Variants in CHST7 observed in about 807,000 individuals in gnomAD.
The protein encoded by CHST7 is N-acetylglucosamine 6-O-sulfotransferase 4.
A neutral mutation model predicts 9.0 loss-of-function variants in CHST7; 5 were observed. The observed-to-expected ratio is 0.56, with a 90% CI of 0.29 to 1.17. CHST7 has a LOEUF of 1.17. CHST7 is among the 50% of genes most tolerant of loss of function. The probability of loss-of-function intolerance (pLI) is 0.08; values close to 1 mark genes in which losing one functional copy is unlikely to be tolerated. For missense variants in CHST7, 377 were observed against 485.1 expected, an observed-to-expected ratio of 0.78 and a Z score of 2.09; for synonymous variants, 244 against 237.1, an observed-to-expected ratio of 1.03 and a Z score of -0.27.
rs397777408 is a variant in CHST7 at position 46,584,535 on chromosome X, CA to C, written c.*31+9131del. 8.9e-4 allele frequency among the ~76,000 whole-genome samples: 47 copies of C among 52,734 alleles called. 1 individual carries two copies. Among genetic ancestry groups the C allele is most frequent in the Middle Eastern group, 0.013 (1 of 78 alleles). 45.8% of individuals were successfully genotyped at this position (52,734 alleles called of 115,157 possible). On this transcript the variant is annotated intron_variant, in intron 1 of 1. Transcript: ENST00000276055. ...CTGGGCAACAACAGTGAAACTGTCT[CA>C]AAAAAAAAAAAAAAAAAAGGTGCCC...
chrX:46,584,786 G>A (rs1942541018), intron 1 of CHST7, among the ~76,000 whole-genome samples: 1 of 111,382 alleles, frequency 9.0e-6, no homozygotes, highest in Non-Finnish European at 1.9e-5. Context: ...CATGGGGAGT[G>A]CAGCCGTGAT....
In CHST7 at chrX:46,575,082, C is replaced by T. The variant is rs1210254461; in HGVS notation, c.1151C>T (p.Ala384Val). 1.8e-6 allele frequency: 2 copies of T among 1,121,490 alleles called. No individual in the cohort carries two copies. The highest frequency in any genetic ancestry group is 2.3e-6 in the Non-Finnish European group (2 of 859,252). 92.4% of individuals were successfully genotyped at this position (1,121,490 alleles called of 1,213,427 possible). A position where few individuals can be genotyped will look rare whatever the true frequency, so the allele number is the denominator to read the frequency against. ...RYEDLVRQPR[A>V]QLRRLLRFSG... ...GAGGACCTGGTGCGGCAGCCACGCG[C>T]CCAGCTGCGCCGCCTGCTGCGCTTC... The change falls in exon 1 of 2, where the codon GCC (alanine) becomes GTC (valine). Residue 384 changes from alanine to valine, a missense_variant. This residue lies in a region of CHST7 where 130 missense variants were observed against 134.9 expected (regional missense o/e 0.96). Transcript: ENST00000276055.
intron 1 of CHST7, among the ~76,000 whole-genome samples, chrX:46,591,971 G>T (rs1387096422): frequency 9.0e-6 from 1 of 111,449 alleles, no homozygotes; most frequent in Non-Finnish European, 1.9e-5. Context: ...TTTGCTGTTT[G>T]GTTTTCTGTT....
intron 1 of CHST7, among the ~76,000 whole-genome samples, chrX:46,576,143 C>G (rs1307111663): frequency 9.5e-6 from 1 of 105,581 alleles, no homozygotes. Context: ...CTCCCCTCCC[C>G]CTCCTTCCCT....
Position 46,574,447 on chromosome X carries a change from G to C in CHST7, c.516G>C (p.Ala172=), listed in dbSNP as rs61734022. The change falls in exon 1 of 2, where the codon GCG becomes GCC. Residue 172 remains alanine (A), a synonymous_variant. Coordinates refer to ENST00000276055, the MANE Select transcript of CHST7 (RefSeq NM_019886.4). The stretch of plus-strand genomic sequence containing the variant: ...ACTTCTCCGTGCTGCGGCTGTACGC[G>C]CCGCCGGGGGACCCCGCTGCGCGCG... ...RCDFSVLRLY[A]PPGDPAARAP... is the part of the protein sequence containing the mutation. The C allele has an allele frequency of 1.5e-3, 1,786 of 1,205,506 alleles. 15 individuals are homozygous for C. The African/African-American group carries it at 0.028, about 19-fold the overall frequency.
At chrX:46,593,966 C>T (rs1387860947) in intron 1 of CHST7, among the ~76,000 whole-genome samples, 1 of 111,986 alleles carries the variant, frequency 8.9e-6, no homozygotes, top group Non-Finnish European at 1.9e-5. Flanking sequence ...AGAACCACAT[C>T]ATACAATGTT....
intron 1 of CHST7, among the ~76,000 whole-genome samples, chrX:46,585,382 C>T (rs200236293): frequency 9.4e-6 from 1 of 106,534 alleles, no homozygotes; most frequent in Admixed American, 1.0e-4. Context: ...CTCCGCCTCC[C>T]GGGTTTAAGC....
At chrX:46,590,809 A>T (rs942049304) in intron 1 of CHST7, among the ~76,000 whole-genome samples, 18 of 111,326 alleles carry the variant, frequency 1.6e-4, no homozygotes, top group Non-Finnish European at 1.5e-4. Flanking sequence ...ACACAAAAAA[A>T]CTCTCTTGTG....
At chrX:46,576,987 T>G (rs1427665545) in intron 1 of CHST7, among the ~76,000 whole-genome samples, 1 of 111,672 alleles carries the variant, frequency 9.0e-6, no homozygotes, top group African/African-American at 3.3e-5. Context: ...CATCCTTTCA[T>G]CTGCTGATCC....
At position 46,574,566 on chromosome X, in the gene CHST7, G is replaced by A. The variant is rs749705527; in HGVS notation, c.635G>A (p.Arg212His). Residue 212 changes from arginine to histidine, a missense_variant, in exon 1 of 2, where the codon CGT (arginine) becomes CAT (histidine). This residue lies in a region of CHST7 where 239 missense variants were observed against 325.7 expected (regional missense o/e 0.73). Coordinates refer to ENST00000276055, the MANE Select transcript of CHST7 (RefSeq NM_019886.4). ...CSPPLCPGAPRARAEVGLVED... is the reference protein window; with the variant it reads ...CSPPLCPGAPHARAEVGLVED... ...CCGCCACTGTGTCCTGGCGCACCCC[G>A]TGCCCGGGCCGAGGTGGGCCTCGTC... is the stretch of plus-strand genomic sequence containing the variant. 8.3e-7 allele frequency: 1 copy of A among 1,206,028 alleles called. No individual in the cohort carries two copies.
chrX:46,582,419 T>G (rs1942529620), intron 1 of CHST7, among the ~76,000 whole-genome samples: 2 of 112,100 alleles, frequency 1.8e-5, no homozygotes, highest in Non-Finnish European at 3.8e-5. Flanking sequence ...TTCAACAACA[T>G]AGATTTGATT....
chrX:46,594,899 A>G (rs926595406), intron 1 of CHST7, among the ~76,000 whole-genome samples: 1 of 111,388 alleles, frequency 9.0e-6, no homozygotes, highest in Non-Finnish European at 1.9e-5. Context: ...ATCATTTATT[A>G]TGGTTCCACA....
intron 1 of CHST7, among the ~76,000 whole-genome samples, chrX:46,589,479 G>A (rs766384905): frequency 6.6e-4 from 72 of 109,197 alleles, no homozygotes; most frequent in African/African-American, 2.3e-3. Context: ...GAACCCAGGA[G>A]GTAGAGGCTG....
Position 46,574,461 on chromosome X carries a change from C to G in CHST7, c.530C>G (p.Pro177Arg). ...VLRLYAPPGDPAARAPDTANL... is the reference protein window; with the variant it reads ...VLRLYAPPGDRAARAPDTANL... ...CGGCTGTACGCGCCGCCGGGGGACCCCGCTGCGCGCGCCCCGGACACGGCC... is the reference window on the plus strand; with the variant it reads ...CGGCTGTACGCGCCGCCGGGGGACCGCGCTGCGCGCGCCCCGGACACGGCC... The change falls in exon 1 of 2, where the codon CCC (proline) becomes CGC (arginine). Residue 177 changes from proline (P) to arginine (R), a missense_variant. Around this residue, in one of 3 missense-constraint regions of CHST7, gnomAD observed 239 missense variants for 325.7 expected, o/e 0.73. Transcript: ENST00000276055. 1 of 1,207,140 alleles carries G rather than the reference C, an allele frequency of 8.3e-7. No individual in the cohort carries two copies. Among genetic ancestry groups the G allele is most frequent in the Non-Finnish European group, 1.1e-6 (1 of 893,534 alleles).
Position 46,575,146 on chromosome X carries a change from G to A in CHST7, c.1215G>A (p.Ala405=). The A allele has an allele frequency of 9.1e-7, 1 of 1,097,417 alleles. No homozygotes were observed. Among genetic ancestry groups the A allele is most frequent in the Non-Finnish European group, 1.2e-6 (1 of 848,650 alleles). 90.4% of individuals were successfully genotyped at this position (1,097,417 alleles called of 1,213,427 possible). A position where few individuals can be genotyped will look rare whatever the true frequency, so the allele number is the denominator to read the frequency against. Residue 405 remains alanine (A), a synonymous_variant, in exon 1 of 2, where the codon GCG becomes GCA. Transcript: ENST00000276055. ...CGCTCGCAGCGCTCGATGCCTTCGC[G>A]CTCAACATGACTCGCGGCGCGGCCT... ...LRALAALDAF[A]LNMTRGAAYG...
chrX:46,579,540 C>A lies in CHST7; in HGVS notation c.*31+4117C>A, dbSNP rs185477665. ...AAGAAATTAGGAAAGAAGGCAAACACCCTGTAATTTGAACCCTAACAATCA... is the reference window on the plus strand; with the variant it reads ...AAGAAATTAGGAAAGAAGGCAAACAACCTGTAATTTGAACCCTAACAATCA... On this transcript the variant is annotated intron_variant, in intron 1 of 1. Transcript: ENST00000276055. 3.7e-5 allele frequency among the ~76,000 whole-genome samples: 4 copies of A among 108,566 alleles called. No homozygotes were observed. In the Admixed American group the frequency reaches 4.0e-4, roughly 11 times the overall value. 94.3% of individuals were successfully genotyped at this position (108,566 alleles called of 115,157 possible). A position where few individuals can be genotyped will look rare whatever the true frequency, so the allele number is the denominator to read the frequency against.
intron 1 of CHST7, among the ~76,000 whole-genome samples, chrX:46,578,685 C>G (rs1462651404): frequency 9.1e-6 from 1 of 110,166 alleles, no homozygotes; most frequent in Non-Finnish European, 1.9e-5. Context: ...CTCGGCCTCT[C>G]AAAGTGCTGG....
intron 1 of CHST7, among the ~76,000 whole-genome samples, chrX:46,593,729 G>A (rs1302814384): frequency 9.0e-6 from 1 of 111,382 alleles, no homozygotes. Context: ...CTTCCTTTGA[G>A]TTACTTCAAC....
chrX:46,580,515 G>A (rs1371320850), intron 1 of CHST7, among the ~76,000 whole-genome samples: 1 of 111,871 alleles, frequency 8.9e-6, no homozygotes, highest in African/African-American at 3.3e-5. Context: ...TGTGCACATG[G>A]ATAGGTACCT....
Sources: gnomAD v4.1 joint callset for allele counts (sites outside exome capture counted in the v4.1 genomes callset) on GRCh38, gnomAD v4.1.1 for gene constraint, gnomAD v4.1.1 regional missense constraint, MANE v1.5 for transcripts, NCBI Gene and HGNC (gene_info 2026-07-23, HGNC 2026-07-21) for gene names.